The following RBBP8 variants were observed in gnomAD, a reference collection of about 807,000 sequenced individuals.
RBBP8 encodes DNA endonuclease RBBP8.
A neutral mutation model predicts 108.3 loss-of-function variants in RBBP8; 88 were observed. The ratio of observed to expected loss-of-function variants is 0.81; its 90% CI spans 0.68 to 0.97. The LOEUF is 0.97. Among genes scored for constraint, RBBP8 ranks in the 50% least tolerant of loss-of-function variants. RBBP8 has a pLI of 0.00. For synonymous variants in RBBP8, 332 were observed against 348.2 expected, an observed-to-expected ratio of 0.95 and a Z score of 0.52; for missense variants, 1,023 against 1,049.0, an observed-to-expected ratio of 0.98 and a Z score of 0.34.
chr18:23,022,636 A>ATAAAATAAAATAAAATAAAG (rs2046371879), intron 18 of RBBP8, among the ~76,000 whole-genome samples: 1 of 94,140 alleles, frequency 1.1e-5, no homozygotes, highest in African/African-American at 2.9e-5. Context: ...ATAAAATAAA[A>ATAAAATAAAATAAAATAAAG]TAAATAAAAT....
At chr18:23,008,064 G>A (rs1028981711) in intron 16 of RBBP8, among the ~76,000 whole-genome samples, 7 of 151,920 alleles carry the variant, frequency 4.6e-5, no homozygotes, top group Admixed American at 1.3e-4. Context: ...CACCCGCCTC[G>A]GCCTCCCAAA....
intron 10 of RBBP8, 32 bp downstream of exon 10, chr18:22,991,081 A>G: frequency 6.9e-7 from 1 of 1,441,812 alleles, no homozygotes; most frequent in East Asian, 2.3e-5. Context: ...AAAACTGATA[A>G]GCTATTGGTG....
chr18:22,987,046 TA>T (rs1915380155), intron 8 of RBBP8, among the ~76,000 whole-genome samples: 1 of 152,210 alleles, frequency 6.6e-6, no homozygotes, highest in South Asian at 2.1e-4. Context: ...CTTCCATCTT[TA>T]AAAAATAATC....
intron 13 of RBBP8, 72 bp downstream of exon 13, chr18:22,996,534 G>A: frequency 6.3e-7 from 1 of 1,578,430 alleles, no homozygotes; most frequent in Non-Finnish European, 8.6e-7. Context: ...CTCCTCTCGT[G>A]ACTCACTGTA....
chr18:22,980,037 G>A (rs1199239625), intron 6 of RBBP8, among the ~76,000 whole-genome samples: 1 of 152,134 alleles, frequency 6.6e-6, no homozygotes, highest in African/African-American at 2.4e-5. Flanking sequence ...CTTGAGGTCA[G>A]GAGTTTGGGA....
intron 1 of RBBP8, 47 bp from the exon 2 acceptor site, chr18:22,936,707 A>C: frequency 1.1e-6 from 1 of 871,570 alleles, no homozygotes; most frequent in Non-Finnish European, 1.8e-6. Context: ...TTCAAAGTAC[A>C]TAAAGATAAA....
At chr18:23,001,213 C>T (rs533447322) in intron 14 of RBBP8, among the ~76,000 whole-genome samples, 3 of 152,334 alleles carry the variant, frequency 2.0e-5, no homozygotes, top group South Asian at 2.1e-4. Context: ...CTTTTACATA[C>T]GTGTCTACAA....
intron 4 of RBBP8, among the ~76,000 whole-genome samples, chr18:22,956,490 G>T (rs533430485): frequency 1.3e-5 from 2 of 152,008 alleles, no homozygotes; most frequent in Non-Finnish European, 2.9e-5. Context: ...CAAGCACCAC[G>T]CCATGCCTGG....
At chr18:22,974,621 G>T (rs781771368) in intron 5 of RBBP8, among the ~76,000 whole-genome samples, 1 of 152,050 alleles carries the variant, frequency 6.6e-6, no homozygotes, top group South Asian at 2.1e-4. Flanking sequence ...CACCATGTCC[G>T]GCTGATTTTT....
intron 8 of RBBP8, among the ~76,000 whole-genome samples, chr18:22,985,374 T>C (rs1598706750): frequency 1.3e-5 from 2 of 152,220 alleles, no homozygotes; most frequent in East Asian, 3.9e-4. Context: ...TGAAGAAAAG[T>C]AAAGCAGGGT....
chr18:22,982,348 A>C lies in RBBP8; in HGVS notation c.559A>C (p.Ile187Leu), dbSNP rs759775858. The C allele has an allele frequency of 6.2e-7, 1 of 1,614,188 alleles. No homozygotes were observed. The highest frequency in any genetic ancestry group is 2.2e-5 in the East Asian group (1 of 44,868). The change falls in exon 7 of 19, where the codon ATA (isoleucine) becomes CTA (leucine). Residue 187 changes from isoleucine (I) to leucine (L), a missense_variant. Ile to Leu is a conservative substitution (Grantham distance 5). Coordinates refer to ENST00000327155, the MANE Select transcript of RBBP8 (RefSeq NM_002894.3). The stretch of plus-strand genomic sequence containing the variant: ...AAAGGAGAACCCCCATGTCCGATAC[A>C]TAGAACAAACACATACTAAATTGGA... ...RRKENPHVRY[I>L]EQTHTKLEHS...
At chr18:22,921,469 G>A (rs946756478) in intron 3 of RBBP8, among the ~76,000 whole-genome samples, 7 of 152,318 alleles carry the variant, frequency 4.6e-5, no homozygotes, top group African/African-American at 1.4e-4. Flanking sequence ...AAAGTCAGGT[G>A]AGGGACTGTA....
At chr18:22,931,364 G>A (rs1910022239), upstream of RBBP8, among the ~76,000 whole-genome samples, 1 of 152,086 alleles carries the variant, frequency 6.6e-6, no homozygotes, top group South Asian at 2.1e-4. Context: ...CAATTCAAAG[G>A]GGCTTCCTTC....
intron 4 of RBBP8, 81 bp from the exon 5 acceptor site, chr18:22,968,725 T>C (rs1435136024): frequency 3.4e-6 from 4 of 1,177,752 alleles, no homozygotes; most frequent in Non-Finnish European, 5.0e-6. Context: ...AGTCAGTTCC[T>C]TAAATCTTTA....
chr18:22,982,101 G>A (rs1444093581), intron 6 of RBBP8, 117 bp from the exon 7 acceptor site: 1 of 1,151,288 alleles, frequency 8.7e-7, no homozygotes, highest in Non-Finnish European at 1.3e-6. Flanking sequence ...AACATTAGAT[G>A]CAAGGGATTA....
intron 8 of RBBP8, among the ~76,000 whole-genome samples, chr18:22,986,186 A>G (rs1316893783): frequency 6.6e-6 from 1 of 152,106 alleles, no homozygotes; most frequent in Non-Finnish European, 1.5e-5. Flanking sequence ...ATGAGTAGGA[A>G]CCAACAAAAC....
intron 16 of RBBP8, among the ~76,000 whole-genome samples, chr18:23,012,830 G>C (rs1049369262): frequency 6.6e-6 from 1 of 152,208 alleles, no homozygotes; most frequent in Non-Finnish European, 1.5e-5. Flanking sequence ...TTGATAACTA[G>C]AGAGGAGAAA....
intron 16 of RBBP8, among the ~76,000 whole-genome samples, chr18:23,015,699 G>A (rs540751639): frequency 7.9e-5 from 12 of 151,926 alleles, no homozygotes; most frequent in South Asian, 2.1e-4. Flanking sequence ...TACCAGCACC[G>A]TTTATTAAAT....
chr18:23,001,618 G>T lies in RBBP8; in HGVS notation c.2176G>T (p.Asp726Tyr). ...AAGAAAAATGAATGATAGCTTGGAA[G>T]ATATGTTTGATCGGACAACACATGA... The part of the protein sequence containing the change: ...EERKMNDSLE[D>Y]MFDRTTHEEY... Residue 726 changes from aspartate (D) to tyrosine (Y), a missense_variant, in exon 15 of 19, where the codon GAT (aspartate) becomes TAT (tyrosine). By Grantham distance (160) the Asp-to-Tyr change is radical (BLOSUM62 -3). Transcript: ENST00000327155. 1 of 1,614,100 alleles carries T rather than the reference G, an allele frequency of 6.2e-7. No homozygotes were observed. The highest frequency in any genetic ancestry group is 8.5e-7 in the Non-Finnish European group (1 of 1,179,986).
Sources: gnomAD v4.1 joint callset for allele counts (sites outside exome capture counted in the v4.1 genomes callset) on GRCh38, gnomAD v4.1.1 for gene constraint, MANE v1.5 for transcripts, NCBI Gene and HGNC (gene_info 2026-07-23, HGNC 2026-07-21) for gene names.